TFDP2: variants seen among roughly 807,000 people sequenced by gnomAD.
TFDP2 encodes the protein transcription factor Dp-2, also known as transcription factor Dp-2 (E2F dimerization partner 2).
In TFDP2, 17 loss-of-function variants were observed where a neutral mutation model predicts 59.3. That is an observed-to-expected ratio of 0.29 (90% CI 0.20 to 0.43). TFDP2 has a LOEUF of 0.43. TFDP2 is among the 20% of genes least tolerant of loss of function. The pLI is 1.00. For missense variants in TFDP2, 391 were observed against 528.8 expected, an observed-to-expected ratio of 0.74 and a Z score of 2.56; for synonymous variants, 180 against 194.7, an observed-to-expected ratio of 0.92 and a Z score of 0.63.
At chr3:141,984,643 A>G (rs1265647024) in intron 6 of TFDP2, among the ~76,000 whole-genome samples, 2 of 152,174 alleles carry the variant, frequency 1.3e-5, no homozygotes, top group Non-Finnish European at 2.9e-5. Flanking sequence ...TGGGATGATG[A>G]AAAAGTTCTC....
intron 3 of TFDP2, among the ~76,000 whole-genome samples, chr3:142,050,539 C>CA (rs1374948714): frequency 6.6e-6 from 1 of 150,862 alleles, no homozygotes; most frequent in Non-Finnish European, 1.5e-5. Flanking sequence ...ACTAAAAACA[C>CA]AAAAAAATTA....
chr3:142,094,632 A>C (rs1031543064), intron 2 of TFDP2, among the ~76,000 whole-genome samples: 1 of 152,078 alleles, frequency 6.6e-6, no homozygotes, highest in African/African-American at 2.4e-5. Context: ...AGACACTACC[A>C]CATGGAAAGG....
At chr3:142,086,415 T>A (rs1157839144) in intron 3 of TFDP2, among the ~76,000 whole-genome samples, 2 of 152,236 alleles carry the variant, frequency 1.3e-5, no homozygotes, top group Non-Finnish European at 2.9e-5. Context: ...ACCAACCAGC[T>A]ATAAATTGGG....
At chr3:142,000,422 A>C in intron 4 of TFDP2, 7 of 637,680 alleles carry the variant, frequency 1.1e-5, no homozygotes, top group Non-Finnish European at 2.0e-5. Context: ...TCCACTCATA[A>C]GGGTGAAGCC....
At chr3:142,026,892 C>A (rs1946135737) in intron 3 of TFDP2, among the ~76,000 whole-genome samples, 1 of 152,162 alleles carries the variant, frequency 6.6e-6, no homozygotes, top group South Asian at 2.1e-4. Context: ...TTTTTAGAGG[C>A]AAACTGCAAC....
At chr3:142,072,560 G>A (rs2060283267) in intron 3 of TFDP2, among the ~76,000 whole-genome samples, 1 of 152,160 alleles carries the variant, frequency 6.6e-6, no homozygotes. Context: ...CTGGAAAAAT[G>A]ACTGATCTGA....
At chr3:142,140,413 G>A (rs974677212) in intron 1 of TFDP2, among the ~76,000 whole-genome samples, 3 of 152,184 alleles carry the variant, frequency 2.0e-5, no homozygotes, top group Non-Finnish European at 2.9e-5. Flanking sequence ...TGCTGACGAG[G>A]AGCTGCAATC....
intron 3 of TFDP2, among the ~76,000 whole-genome samples, chr3:142,077,542 A>G (rs1047480904): frequency 9.2e-5 from 14 of 152,116 alleles, no homozygotes; most frequent in Non-Finnish European, 1.9e-4. Context: ...TCTAAGCCCT[A>G]GCTCCCAGAA....
chr3:142,006,196 G>A (rs992921501), intron 3 of TFDP2, among the ~76,000 whole-genome samples: 3 of 151,958 alleles, frequency 2.0e-5, no homozygotes, highest in African/African-American at 7.2e-5. Flanking sequence ...CCCCCCAAAA[G>A]GAAAAGCCAA....
intron 3 of TFDP2, among the ~76,000 whole-genome samples, chr3:142,024,659 A>G (rs1005339780): frequency 1.3e-5 from 2 of 152,314 alleles, no homozygotes; most frequent in African/African-American, 4.8e-5. Flanking sequence ...GTTTTGTGAT[A>G]AAGAGTTCAT....
At chr3:142,107,366 G>C (rs1014916662) in intron 1 of TFDP2, among the ~76,000 whole-genome samples, 4 of 151,760 alleles carry the variant, frequency 2.6e-5, no homozygotes, top group Non-Finnish European at 5.9e-5. Flanking sequence ...CAAGTAGCTG[G>C]AATTACAGGC....
chr3:142,111,510 TGAA>T (rs1438939867), intron 1 of TFDP2, among the ~76,000 whole-genome samples: 1 of 150,430 alleles, frequency 6.6e-6, no homozygotes, highest in Non-Finnish European at 1.5e-5. Flanking sequence ...AAGACTTCTC[TGAA>T]GAAGTCAAGT....
chr3:141,974,737 C>T (rs1182530929), intron 7 of TFDP2, among the ~76,000 whole-genome samples: 1 of 151,982 alleles, frequency 6.6e-6, no homozygotes, highest in African/African-American at 2.4e-5. Context: ...AAATCAAGGA[C>T]ATTTATTCAA....
At chr3:142,069,533 G>A (rs1178274385) in intron 3 of TFDP2, among the ~76,000 whole-genome samples, 1 of 151,800 alleles carries the variant, frequency 6.6e-6, no homozygotes, top group East Asian at 1.9e-4. Flanking sequence ...ACTAATTTAT[G>A]TTCCCACCAG....
At chr3:141,982,332 T>C (rs1306131969) in intron 6 of TFDP2, among the ~76,000 whole-genome samples, 1 of 152,206 alleles carries the variant, frequency 6.6e-6, no homozygotes, top group Non-Finnish European at 1.5e-5. Flanking sequence ...AACTGGTTAA[T>C]GGCTTAAAGT....
At chr3:142,122,855 A>G (rs1415454415) in intron 1 of TFDP2, among the ~76,000 whole-genome samples, 1 of 152,248 alleles carries the variant, frequency 6.6e-6, no homozygotes, top group Non-Finnish European at 1.5e-5. Flanking sequence ...ATAGTTAAAT[A>G]GCTATTAAAA....
intron 3 of TFDP2, among the ~76,000 whole-genome samples, chr3:142,038,220 T>C (rs1415161732): frequency 2.0e-5 from 3 of 151,862 alleles, no homozygotes; most frequent in African/African-American, 7.3e-5. Context: ...CTGTCTCTAC[T>C]AAAAATACAA....
At chr3:142,134,041 G>GA (rs756738906) in intron 1 of TFDP2, among the ~76,000 whole-genome samples, 116 of 115,706 alleles carry the variant, frequency 1.0e-3, no homozygotes, top group Admixed American at 2.8e-3. Flanking sequence ...CTCCAGAAAA[G>GA]AAAAAAAAAA....
chr3:141,977,502 G>A (rs2108051779), intron 7 of TFDP2, among the ~76,000 whole-genome samples: 1 of 152,012 alleles, frequency 6.6e-6, no homozygotes, highest in South Asian at 2.1e-4. Flanking sequence ...TGAGGCACAA[G>A]CATCACTTGA....
Sources: gnomAD v4.1 joint callset for allele counts (sites outside exome capture counted in the v4.1 genomes callset) on GRCh38, gnomAD v4.1.1 for gene constraint, MANE v1.5 for transcripts, NCBI Gene and HGNC (gene_info 2026-07-23, HGNC 2026-07-21) for gene names.